Variants in ECHDC2 observed in about 807,000 individuals in gnomAD.
ECHDC2 encodes enoyl-CoA hydratase domain-containing protein 2, mitochondrial.
ECHDC2 carries 34 observed loss-of-function variants against 40.6 expected under a neutral mutation model. The ratio of observed to expected loss-of-function variants is 0.84; its 90% CI spans 0.64 to 1.11. The LOEUF (loss-of-function observed/expected upper bound fraction) is 1.11, where lower values mean the gene tolerates loss of function less well. ECHDC2 is among the 50% of genes most tolerant of loss of function. ECHDC2 has a pLI of 0.00. For missense variants in ECHDC2, 392 were observed against 400.7 expected, an observed-to-expected ratio of 0.98 and a Z score of 0.19; for synonymous variants, 162 against 166.6, an observed-to-expected ratio of 0.97 and a Z score of 0.21.
At chr1:52,903,334 C>G (rs1647109359) in intron 7 of ECHDC2, among the ~76,000 whole-genome samples, 1 of 152,008 alleles carries the variant, frequency 6.6e-6, no homozygotes, top group Admixed American at 6.6e-5. Flanking sequence ...GTGGTGATTT[C>G]TAAGATTTTG....
chr1:52,911,552 G>A lies in ECHDC2; in HGVS notation c.277+14C>T, dbSNP rs1326071537. 11 of 1,612,488 alleles carry A rather than the reference G, an allele frequency of 6.8e-6. No individual in the cohort carries two copies. Among genetic ancestry groups the A allele is most frequent in the East Asian group, 6.7e-5 (3 of 44,870 alleles). On this transcript the variant is annotated intron_variant, in intron 3 of 9. Transcript: ENST00000371522. ...CCCTGCAGAGCACAGATGGGGGCAG[G>A]AGAGAGAACCTACCTGCACAGAACA...
intron 1 of ECHDC2, chr1:52,917,580 A>G (rs1280038930): frequency 4.4e-6 from 2 of 456,108 alleles, no homozygotes; most frequent in Admixed American, 4.7e-5. Context: ...GGGAGGATGG[A>G]AAGGTCAGCT....
At position 52,910,352 on chromosome 1, in the gene ECHDC2, G is replaced by GTTTTTTT. The variant is rs869088329; in HGVS notation, c.277+1207_277+1213dup. ...GTTACTTATATTTCACCACAATTTC[G>GTTTTTTT]TTTTTTTTTTTTTTTTTTTTTTTTT... On this transcript the variant is annotated intron_variant, in intron 3 of 9. Coordinates refer to ENST00000371522, the MANE Select transcript of ECHDC2 (RefSeq NM_001198961.2). 8.0e-3 allele frequency among the ~76,000 whole-genome samples: 256 copies of GTTTTTTT among 32,098 alleles called. 86 individuals carry two copies. The highest frequency in any genetic ancestry group is 0.024 in the East Asian group (28 of 1,176). The allele number at this position is 32,098 out of a possible 152,430, so 21.1% of individuals were successfully genotyped here. A position where few individuals can be genotyped will look rare whatever the true frequency, so the allele number is the denominator to read the frequency against.
chr1:52,904,734 C>T lies in ECHDC2; in HGVS notation c.614G>A (p.Gly205Glu). 10 of 1,612,890 alleles carry T rather than the reference C, an allele frequency of 6.2e-6. No individual in the cohort carries two copies. The highest frequency in any genetic ancestry group is 8.5e-6 in the Non-Finnish European group (10 of 1,179,968). ...RLSGTEAHVL[G>E]LVNHAVAQNE... ...CTGGGCCACAGCGTGATTCACCAGC[C>T]CCAGTACGTGGGCCTCAGTTCCACT... The change falls in exon 7 of 10, where the codon GGG (glycine) becomes GAG (glutamate). Residue 205 changes from glycine to glutamate, a missense_variant. Transcript: ENST00000371522.
intron 7 of ECHDC2, chr1:52,901,416 G>GAA (rs200559575): frequency 0.031 from 4,635 of 151,260 alleles, 202 homozygotes; most frequent in African/African-American, 0.094. Flanking sequence ...AAAAAGAAAA[G>GAA]AAAAAAAACA....
intron 1 of ECHDC2, 179 bp from the exon 2 acceptor site, chr1:52,911,969 G>A: frequency 1.4e-6 from 2 of 1,434,484 alleles, no homozygotes; most frequent in Non-Finnish European, 1.8e-6. Flanking sequence ...ATAAAATGGA[G>A]AGAAAAACCC....
Position 52,911,204 on chromosome 1 carries a change from G to T in ECHDC2, c.277+362C>A, listed in dbSNP as rs182760196. On this transcript the variant is annotated intron_variant, in intron 3 of 9. Transcript: ENST00000371522. The stretch of plus-strand genomic sequence containing the variant: ...TGTTGGCCAGGCTGGTCTCGAACTC[G>T]GGCCTCAAGTGATCTACCCGCCCCA... 9.7e-4 allele frequency among the ~76,000 whole-genome samples: 148 copies of T among 151,916 alleles called. 1 individual carries two copies. The highest frequency in any genetic ancestry group is 3.4e-3 in the African/African-American group (140 of 41,420).
intron 8 of ECHDC2, 36 bp downstream of exon 8, chr1:52,899,138 T>A: frequency 6.2e-7 from 1 of 1,612,984 alleles, no homozygotes; most frequent in Admixed American, 1.7e-5. Flanking sequence ...GCGACCAACT[T>A]TAGTGGACCC....
intron 3 of ECHDC2, among the ~76,000 whole-genome samples, chr1:52,911,015 A>G (rs1649352287): frequency 6.6e-6 from 1 of 152,080 alleles, no homozygotes; most frequent in South Asian, 2.1e-4. Flanking sequence ...AGGGGCAGGA[A>G]CTAGCCCAGG....
In ECHDC2 at chr1:52,921,708, G is replaced by A. The variant is rs1174059026; in HGVS notation, c.-35C>T. On this transcript the variant is annotated 5_prime_UTR_variant, in exon 1 of 10. Coordinates refer to ENST00000371522, the MANE Select transcript of ECHDC2 (RefSeq NM_001198961.2). ...GGCTGGGAGTGAAGGTGCTTCTCCG[G>A]CCCTGCACCGTCTCGGCTCCCGCTG... 1.6e-5 allele frequency: 23 copies of A among 1,454,278 alleles called. No individual in the cohort carries two copies. The highest frequency in any genetic ancestry group is 2.1e-5 in the Non-Finnish European group (23 of 1,107,006). The allele number at this position is 1,454,278 out of a possible 1,614,324, so 90.1% of individuals were successfully genotyped here.
chr1:52,896,647 C>A, intron 9 of ECHDC2, 50 bp from the exon 10 acceptor site: 1 of 1,480,558 alleles, frequency 6.8e-7, no homozygotes, highest in Non-Finnish European at 9.4e-7. Flanking sequence ...GCCACAGGCC[C>A]AAAAAGAGTT....
At chr1:52,898,265 G>C (rs1646763366) in intron 8 of ECHDC2, 1 of 152,462 alleles carries the variant, frequency 6.6e-6, no homozygotes. Flanking sequence ...CTGTCGCCCA[G>C]GCTGGAGTGC....
In ECHDC2 at chr1:52,904,773, G is replaced by A. The variant is rs762189564; in HGVS notation, c.575C>T (p.Thr192Met). ...GVALAKELIF[T>M]GRRLSGTEAH... ...CTCAGTTCCACTCAGTCGTCGGCCCGTGAAGATGAGCTCCTTCGCCAGGGC... is the reference window on the plus strand; with the variant it reads ...CTCAGTTCCACTCAGTCGTCGGCCCATGAAGATGAGCTCCTTCGCCAGGGC... Residue 192 changes from threonine to methionine, a missense_variant, in exon 7 of 10, where the codon ACG becomes ATG. Transcript: ENST00000371522. 2.8e-5 allele frequency: 45 copies of A among 1,612,970 alleles called. No individual in the cohort carries two copies. The highest frequency in any genetic ancestry group is 5.5e-5 in the South Asian group (5 of 91,084).
Position 52,904,824 on chromosome 1 carries a change from TGA to T in ECHDC2, c.522_523del (p.Gln175GlufsTer25). On this transcript the variant is annotated frameshift_variant, in exon 7 of 10. Coordinates refer to ENST00000371522, the MANE Select transcript of ECHDC2 (RefSeq NM_001198961.2). LOFTEE classifies it high-confidence loss of function. Reference sequence around the variant, plus strand: ...CACCCCCAGACAACGGGGCAGCCTCTGAGTCCCTCCTACCAGGATGGAGGGAG... The same window carrying T: ...CACCCCCAGACAACGGGGCAGCCTCTGTCCCTCCTACCAGGATGGAGGGAG... 1.9e-6 allele frequency: 3 copies of T among 1,612,062 alleles called. No homozygotes were observed. Among genetic ancestry groups the T allele is most frequent in the Non-Finnish European group, 2.5e-6 (3 of 1,179,196 alleles).
chr1:52,897,686 G>A, intron 8 of ECHDC2: 1 of 623,828 alleles, frequency 1.6e-6, no homozygotes, highest in Non-Finnish European at 2.9e-6. Context: ...CATTTTGCCA[G>A]AGAAGAGGAG....
chr1:52,920,005 C>T (rs1454633310), intron 1 of ECHDC2, among the ~76,000 whole-genome samples: 3 of 152,332 alleles, frequency 2.0e-5, no homozygotes, highest in East Asian at 3.9e-4. Context: ...CACTGAATTA[C>T]TAGAAGAGCC....
At chr1:52,915,957 C>G (rs1020283942) in intron 1 of ECHDC2, among the ~76,000 whole-genome samples, 1 of 152,138 alleles carries the variant, frequency 6.6e-6, no homozygotes, top group Non-Finnish European at 1.5e-5. Context: ...GAGTGACCCC[C>G]GGCCAACAAT....
chr1:52,911,986 T>C, intron 1 of ECHDC2, 196 bp from the exon 2 acceptor site: 1 of 1,429,602 alleles, frequency 7.0e-7, no homozygotes, highest in African/African-American at 1.4e-5. Flanking sequence ...ACCCTTGCTC[T>C]TTCTGCCTCA....
chr1:52,918,526 G>A lies in ECHDC2; in HGVS notation c.121+3027C>T, dbSNP rs12039419. On this transcript the variant is annotated intron_variant, in intron 1 of 9. Transcript: ENST00000371522. ...GATGTGGAGGTGGAAGACAGTGATA[G>A]GTCTAGGCTCGTGTGTGTGCTTGTG... 2.6e-4 allele frequency among the ~76,000 whole-genome samples: 40 copies of A among 152,230 alleles called. No individual in the cohort carries two copies. In the East Asian group the frequency reaches 7.7e-3, roughly 29 times the overall value.
Sources: allele counts gnomAD v4.1 joint callset (sites outside exome capture counted in the v4.1 genomes callset), GRCh38; gene constraint gnomAD v4.1.1; transcripts MANE v1.5; gene names NCBI Gene and HGNC (gene_info 2026-07-23, HGNC 2026-07-21).